Variants in ZKSCAN8 observed in about 807,000 individuals in gnomAD.
ZKSCAN8 encodes zinc finger protein with KRAB and SCAN domains 8.
A neutral mutation model predicts 57.2 loss-of-function variants in ZKSCAN8; 27 were observed. The ratio of observed to expected loss-of-function variants is 0.47; its 90% confidence interval spans 0.35 to 0.65. The LOEUF is 0.65. Among genes scored for constraint, ZKSCAN8 ranks in the 30% least tolerant of loss-of-function variants. ZKSCAN8 has a pLI of 0.01. For missense variants in ZKSCAN8, 597 were observed against 696.3 expected (o/e 0.86, Z 1.60); for synonymous variants, 214 against 248.7 (o/e 0.86, Z 1.31).
Position 28,155,886 on chromosome 6 carries a change from T to C in ZKSCAN8, c.*1869T>C, listed in dbSNP as rs2113603346. On this transcript the variant is annotated 3_prime_UTR_variant, in exon 6 of 6. Transcript: ENST00000330236. Reference sequence around the variant, plus strand: ...GAATGAAGACACCCATCACTTGTCATGTTGGTTTCCAACAGTCCTTTCGAT... The same window carrying C: ...GAATGAAGACACCCATCACTTGTCACGTTGGTTTCCAACAGTCCTTTCGAT... The C allele has an allele frequency of 2.9e-6, 1 of 345,422 alleles. No homozygotes were observed. The highest frequency in any genetic ancestry group is 1.5e-4 in the South Asian group (1 of 6,568). The allele number at this position is 345,422 out of a possible 1,614,324, so 21.4% of individuals were successfully genotyped here.
At position 28,153,470 on chromosome 6, in the gene ZKSCAN8, A is replaced by G; in HGVS notation, c.1190A>G (p.Gln397Arg). The G allele has an allele frequency of 6.2e-7, 1 of 1,612,294 alleles. No individual in the cohort carries two copies. Among genetic ancestry groups the G allele is most frequent in the South Asian group, 1.1e-5 (1 of 91,026 alleles). The change falls in exon 6 of 6, where the codon CAG becomes CGG. Residue 397 changes from glutamine to arginine, a missense_variant. By Grantham distance (43) the Gln-to-Arg change is conservative. Transcript: ENST00000330236. The part of the protein sequence containing the change: ...FSQNTGLILH[Q>R]RIHTGEKPYQ... ...CAGAACACAGGCCTGATTCTGCACCAGAGAATCCACACTGGGGAGAAGCCA... is the reference window on the plus strand; with the variant it reads ...CAGAACACAGGCCTGATTCTGCACCGGAGAATCCACACTGGGGAGAAGCCA...
intron 1 of ZKSCAN8, among the ~76,000 whole-genome samples, chr6:28,145,548 TATC>T (rs1461081734): frequency 6.6e-6 from 1 of 151,970 alleles, no homozygotes; most frequent in Non-Finnish European, 1.5e-5. Context: ...AAAAAAAAAG[TATC>T]ATAAACCTGG....
chr6:28,145,746 T>A (rs1321440853), intron 1 of ZKSCAN8, among the ~76,000 whole-genome samples: 2 of 152,226 alleles, frequency 1.3e-5, no homozygotes, highest in Non-Finnish European at 2.9e-5. Flanking sequence ...TTCATCTGTG[T>A]GTGTGTGTCT....
Position 28,156,173 on chromosome 6 carries a change from G to A in ZKSCAN8, c.*2156G>A. On this transcript the variant is annotated 3_prime_UTR_variant, in exon 6 of 6. Coordinates refer to ENST00000330236, the MANE Select transcript of ZKSCAN8 (RefSeq NM_006298.4). ...TATATGTGTATGTACACATGTGTATGTACACACACACACACACCTGCCATA... is the reference window on the plus strand; with the variant it reads ...TATATGTGTATGTACACATGTGTATATACACACACACACACACCTGCCATA... 1 of 398,212 alleles carries A rather than the reference G, an allele frequency of 2.5e-6. No individual in the cohort carries two copies. Among genetic ancestry groups the A allele is most frequent in the Non-Finnish European group, 4.4e-6 (1 of 225,908 alleles). 24.7% of individuals were successfully genotyped at this position (398,212 alleles called of 1,614,324 possible). A position where few individuals can be genotyped will look rare whatever the true frequency, so the allele number is the denominator to read the frequency against.
intron 1 of ZKSCAN8, among the ~76,000 whole-genome samples, chr6:28,147,347 A>G (rs533887631): frequency 2.6e-5 from 4 of 152,276 alleles, no homozygotes; most frequent in Non-Finnish European, 5.9e-5. Flanking sequence ...GCCACTACAC[A>G]TACACCTATT....
chr6:28,143,424 CT>C (rs1290639680), intron 1 of ZKSCAN8, among the ~76,000 whole-genome samples: 1 of 152,130 alleles, frequency 6.6e-6, no homozygotes, highest in East Asian at 1.9e-4. Context: ...GTTATTGAGA[CT>C]TTTTAATACC....
At chr6:28,151,148 A>T (rs545221501) in intron 3 of ZKSCAN8, among the ~76,000 whole-genome samples, 1 of 152,296 alleles carries the variant, frequency 6.6e-6, no homozygotes, top group African/African-American at 2.4e-5. Flanking sequence ...TGGCCATAGA[A>T]GGCCCCTTCA....
chr6:28,146,386 G>A (rs184223912), intron 1 of ZKSCAN8, among the ~76,000 whole-genome samples: 41 of 152,310 alleles, frequency 2.7e-4, no homozygotes, highest in African/African-American at 9.9e-4. Context: ...TTTCCAATTG[G>A]AGTCACCAGG....
chr6:28,151,903 A>G lies in ZKSCAN8; in HGVS notation c.618A>G (p.Glu206=). The G allele has an allele frequency of 6.2e-7, 1 of 1,614,162 alleles. No individual in the cohort carries two copies. The highest frequency in any genetic ancestry group is 1.1e-5 in the South Asian group (1 of 91,086). ...RSQKGSSGDQ[E]MTATLLTAGF... The stretch of plus-strand genomic sequence containing the variant: ...AGAAAGGAAGTTCTGGAGACCAGGA[A>G]ATGACAGCTACACTTCTCACAGCAG... Residue 206 remains glutamate, a synonymous_variant, in exon 4 of 6, where the codon GAA becomes GAG. Coordinates refer to ENST00000330236, the MANE Select transcript of ZKSCAN8 (RefSeq NM_006298.4).
chr6:28,145,225 GACA>G (rs998886757), intron 1 of ZKSCAN8, among the ~76,000 whole-genome samples: 6 of 152,088 alleles, frequency 3.9e-5, no homozygotes, highest in African/African-American at 1.4e-4. Flanking sequence ...CCCAAGTTGT[GACA>G]ACAAAAATAT....
Position 28,156,018 on chromosome 6 carries a change from T to A in ZKSCAN8, c.*2001T>A, listed in dbSNP as rs1765768585. 5.0e-6 allele frequency: 2 copies of A among 397,044 alleles called. No homozygotes were observed. The highest frequency in any genetic ancestry group is 4.1e-5 in the African/African-American group (2 of 48,594). 24.6% of individuals were successfully genotyped at this position (397,044 alleles called of 1,614,324 possible). On this transcript the variant is annotated 3_prime_UTR_variant, in exon 6 of 6. Transcript: ENST00000330236. ...TTAAGAAACCAGAAACAAGTAAATC[T>A]GGTTGTATCTAGATCTTTGCTCTGT... is the stretch of plus-strand genomic sequence containing the variant.
At position 28,156,256 on chromosome 6, in the gene ZKSCAN8, A is replaced by G. The variant is rs1765779412; in HGVS notation, c.*2239A>G. On this transcript the variant is annotated 3_prime_UTR_variant, in exon 6 of 6. Transcript: ENST00000330236. Reference sequence around the variant, plus strand: ...TAAAAAGTCCTTTTAGCAATGCAACATATTAACAAAATTGGGTGCATTCAG... The same window carrying G: ...TAAAAAGTCCTTTTAGCAATGCAACGTATTAACAAAATTGGGTGCATTCAG... 1 of 398,348 alleles carries G rather than the reference A, an allele frequency of 2.5e-6. No homozygotes were observed. Among genetic ancestry groups the G allele is most frequent in the East Asian group, 3.6e-5 (1 of 28,048 alleles). 24.7% of individuals were successfully genotyped at this position (398,348 alleles called of 1,614,324 possible).
chr6:28,153,822 A>C lies in ZKSCAN8; in HGVS notation c.1542A>C (p.Gly514=). The stretch of plus-strand genomic sequence containing the variant: ...TTGAACATCAGAGAATCCACACTGG[A>C]GAAAGACCCTATAAATGTAAAGAAT... The part of the protein sequence containing the change: ...GLIEHQRIHT[G]ERPYKCKECG... The change falls in exon 6 of 6, where the codon GGA becomes GGC. Residue 514 remains glycine (G), a synonymous_variant. Coordinates refer to ENST00000330236, the MANE Select transcript of ZKSCAN8 (RefSeq NM_006298.4). The C allele has an allele frequency of 6.2e-7, 1 of 1,614,030 alleles. No homozygotes were observed. Among genetic ancestry groups the C allele is most frequent in the Non-Finnish European group, 8.5e-7 (1 of 1,179,978 alleles).
chr6:28,156,432 A>C lies in ZKSCAN8; in HGVS notation c.*2415A>C. 1 of 385,326 alleles carries C rather than the reference A, an allele frequency of 2.6e-6. No individual in the cohort carries two copies. Among genetic ancestry groups the C allele is most frequent in the Non-Finnish European group, 4.6e-6 (1 of 217,672 alleles). 23.9% of individuals were successfully genotyped at this position (385,326 alleles called of 1,614,324 possible). On this transcript the variant is annotated 3_prime_UTR_variant, in exon 6 of 6. Transcript: ENST00000330236. The stretch of plus-strand genomic sequence containing the variant: ...CATGTGGCATAAATTTGGAGAAAAT[A>C]ATATGACTAGAAAAATTAGTGTTAT...
chr6:28,147,238 T>C (rs953099866), intron 1 of ZKSCAN8, among the ~76,000 whole-genome samples: 1 of 150,332 alleles, frequency 6.7e-6, no homozygotes, highest in Admixed American at 6.6e-5. Context: ...AAAGAAGATA[T>C]ATAGATGTTA....
Position 28,151,857 on chromosome 6 carries a change from C to T in ZKSCAN8, c.572C>T (p.Ser191Phe). ...QESQERAMST[S>F]QSPTRSQKGS... The stretch of plus-strand genomic sequence containing the variant: ...TTTCTCCTCTCAGCCATGTCTACTT[C>T]CCAGAGTCCTACTCGTTCCCAGAAA... The change falls in exon 4 of 6, where the codon TCC becomes TTC. Residue 191 changes from serine to phenylalanine, a missense_variant. Ser to Phe is a radical substitution (Grantham distance 155, BLOSUM62 -2). Coordinates refer to ENST00000330236, the MANE Select transcript of ZKSCAN8 (RefSeq NM_006298.4). 6.2e-7 allele frequency: 1 copy of T among 1,614,108 alleles called. No homozygotes were observed. Among genetic ancestry groups the T allele is most frequent in the Non-Finnish European group, 8.5e-7 (1 of 1,179,968 alleles).
In ZKSCAN8 at chr6:28,151,875, C is replaced by G. The variant is rs776795883; in HGVS notation, c.590C>G (p.Ser197Cys). ...TCTACTTCCCAGAGTCCTACTCGTT[C>G]CCAGAAAGGAAGTTCTGGAGACCAG... ...AMSTSQSPTR[S>C]QKGSSGDQEM... Residue 197 changes from serine to cysteine, a missense_variant, in exon 4 of 6, where the codon TCC becomes TGC. Coordinates refer to ENST00000330236, the MANE Select transcript of ZKSCAN8 (RefSeq NM_006298.4). The G allele has an allele frequency of 2.9e-5, 47 of 1,614,148 alleles. No homozygotes were observed. Among genetic ancestry groups the G allele is most frequent in the Middle Eastern group, 1.6e-4 (1 of 6,062 alleles).
rs1765746420 is a variant in ZKSCAN8, at chr6:28,155,254, A to G, written c.*1237A>G. ...CCATGTCTATAATCTACCAACAAAG[A>G]TGTACTCTTAAACTCAGTATCACCA... On this transcript the variant is annotated 3_prime_UTR_variant, in exon 6 of 6. Transcript: ENST00000330236. 1 of 152,214 alleles carries G rather than the reference A, an allele frequency of 6.6e-6. No individual in the cohort carries two copies. Among genetic ancestry groups the G allele is most frequent in the African/African-American group, 2.4e-5 (1 of 41,448 alleles). The allele number at this position is 152,214 out of a possible 1,614,324, so 9.4% of individuals were successfully genotyped here. A position where few individuals can be genotyped will look rare whatever the true frequency, so the allele number is the denominator to read the frequency against.
At chr6:28,145,314 G>A (rs896308126) in intron 1 of ZKSCAN8, among the ~76,000 whole-genome samples, 1 of 152,132 alleles carries the variant, frequency 6.6e-6, no homozygotes, top group Non-Finnish European at 1.5e-5. Context: ...CTGAGCTAGA[G>A]TAAAGAACTC....
Sources: allele counts gnomAD v4.1 joint callset (sites outside exome capture counted in the v4.1 genomes callset), GRCh38; gene constraint gnomAD v4.1.1; transcripts MANE v1.5; gene names NCBI Gene and HGNC (gene_info 2026-07-23, HGNC 2026-07-21).